The following ACTL8 variants were observed in gnomAD, a reference collection of about 807,000 sequenced individuals.
ACTL8 encodes actin-like protein 8.
In ACTL8, 3 loss-of-function variants were observed where a neutral mutation model predicts 9.3. The observed-to-expected ratio is 0.32, with a 90% CI of 0.15 to 0.83. The LOEUF is 0.83. ACTL8 is among the 40% of genes least tolerant of loss of function. The pLI is 0.57. For synonymous variants in ACTL8, 224 were observed against 205.9 expected (o/e 1.09, Z -0.75); for missense variants, 381 against 492.2 (o/e 0.77, Z 2.14).
At chr1:17,818,080 G>A (rs1472642365) in intron 1 of ACTL8, among the ~76,000 whole-genome samples, 1 of 152,038 alleles carries the variant, frequency 6.6e-6, no homozygotes, top group Non-Finnish European at 1.5e-5. Context: ...CACTTAATAG[G>A]CACCTCCAAC....
intron 1 of ACTL8, among the ~76,000 whole-genome samples, chr1:17,782,798 C>T (rs1327080291): frequency 2.0e-5 from 3 of 152,192 alleles, no homozygotes; most frequent in African/African-American, 7.2e-5. Context: ...AGACTCTAAA[C>T]CGTAAAGCAC....
intron 1 of ACTL8, among the ~76,000 whole-genome samples, chr1:17,810,831 A>G (rs2066389302): frequency 2.0e-5 from 3 of 152,236 alleles, no homozygotes; most frequent in Admixed American, 6.5e-5. Flanking sequence ...CATGTATATC[A>G]ATAGTTCCTT....
intron 1 of ACTL8, among the ~76,000 whole-genome samples, chr1:17,773,957 A>G (rs931381762): frequency 2.0e-5 from 3 of 152,186 alleles, no homozygotes; most frequent in Admixed American, 2.0e-4. Context: ...CTGGCACAAG[A>G]GGGTAGCCAG....
intron 1 of ACTL8, among the ~76,000 whole-genome samples, chr1:17,772,130 G>A (rs1033880087): frequency 6.6e-6 from 1 of 152,310 alleles, no homozygotes; most frequent in South Asian, 2.1e-4. Context: ...GTAGTCTTCC[G>A]TGTTCACCTA....
chr1:17,818,348 A>C (rs2066441465), intron 1 of ACTL8, among the ~76,000 whole-genome samples: 1 of 152,172 alleles, frequency 6.6e-6, no homozygotes, highest in East Asian at 1.9e-4. Flanking sequence ...CACCTCCTGT[A>C]ATCTTTCTTC....
intron 1 of ACTL8, among the ~76,000 whole-genome samples, chr1:17,792,870 C>G (rs890218228): frequency 3.9e-5 from 6 of 152,138 alleles, no homozygotes; most frequent in Non-Finnish European, 8.8e-5. Flanking sequence ...ACTGAAGATC[C>G]CAGAGAACTA....
At chr1:17,818,964 G>A (rs952793968) in intron 1 of ACTL8, among the ~76,000 whole-genome samples, 10 of 152,226 alleles carry the variant, frequency 6.6e-5, no homozygotes, top group African/African-American at 2.4e-4. Flanking sequence ...TGAATATACA[G>A]ATTTTATCTC....
At chr1:17,756,045 A>T (rs1190203281) in intron 1 of ACTL8, among the ~76,000 whole-genome samples, 3 of 149,608 alleles carry the variant, frequency 2.0e-5, no homozygotes, top group African/African-American at 7.4e-5. Context: ...TCTCTTCGGG[A>T]CTCTACCGCA....
At chr1:17,821,627 A>G (rs898140545) in intron 1 of ACTL8, among the ~76,000 whole-genome samples, 1 of 121,870 alleles carries the variant, frequency 8.2e-6, no homozygotes, top group Non-Finnish European at 1.8e-5. Flanking sequence ...GTTTGTGACT[A>G]TTCCCTTTTT....
At chr1:17,756,450 C>T (rs1054662002) in intron 1 of ACTL8, among the ~76,000 whole-genome samples, 6 of 152,204 alleles carry the variant, frequency 3.9e-5, no homozygotes, top group Non-Finnish European at 8.8e-5. Flanking sequence ...TCCATCTCAG[C>T]TCTGTGGGTT....
chr1:17,762,643 C>T (rs2066015318), intron 1 of ACTL8, among the ~76,000 whole-genome samples: 1 of 152,098 alleles, frequency 6.6e-6, no homozygotes, highest in Admixed American at 6.5e-5. Flanking sequence ...CGATATCGAA[C>T]CCCAGGGGGT....
chr1:17,780,501 T>G (rs2066146822), intron 1 of ACTL8, among the ~76,000 whole-genome samples: 1 of 152,150 alleles, frequency 6.6e-6, no homozygotes, highest in Non-Finnish European at 1.5e-5. Flanking sequence ...TCTCTGGGGC[T>G]CTTGTGAAAT....
intron 1 of ACTL8, among the ~76,000 whole-genome samples, chr1:17,807,873 TAGG>T (rs1360829550): frequency 6.6e-6 from 1 of 151,914 alleles, no homozygotes; most frequent in African/African-American, 2.4e-5. Flanking sequence ...GGGATAACAT[TAGG>T]AGAATTACCT....
chr1:17,815,107 C>A (rs762840725), intron 1 of ACTL8, among the ~76,000 whole-genome samples: 1 of 152,210 alleles, frequency 6.6e-6, no homozygotes, highest in Non-Finnish European at 1.5e-5. Flanking sequence ...CAATAACATG[C>A]AGTACCAGTT....
chr1:17,774,749 G>A (rs1570002333), intron 1 of ACTL8, among the ~76,000 whole-genome samples: 1 of 152,138 alleles, frequency 6.6e-6, no homozygotes, highest in East Asian at 1.9e-4. Context: ...CAGCTTGTCG[G>A]GCCAGGCTCT....
intron 1 of ACTL8, among the ~76,000 whole-genome samples, chr1:17,801,658 A>G (rs1023885107): frequency 2.0e-5 from 3 of 152,370 alleles, no homozygotes; most frequent in Admixed American, 6.5e-5. Flanking sequence ...TGCTCAAAGC[A>G]TACAAAATTA....
chr1:17,826,216 G>A lies in ACTL8; in HGVS notation c.798G>A (p.Glu266=). ...TGTTCTTTAGCCCGCAGGTGTTCGA[G>A]CAGCCGGGGCCCAGCATCCCACGGG... ...PEMFFSPQVF[E]QPGPSIPRAI... The change falls in exon 3 of 3, where the codon GAG becomes GAA. Residue 266 remains glutamate (E), a synonymous_variant. Transcript: ENST00000375406. This position sits in a 1 kb window ranked among gnomAD's most constrained non-coding sequence, Gnocchi z 4.5. 1 of 1,613,416 alleles carries A rather than the reference G, an allele frequency of 6.2e-7. No individual in the cohort carries two copies. Among genetic ancestry groups the A allele is most frequent in the Non-Finnish European group, 8.5e-7 (1 of 1,179,948 alleles).
intron 1 of ACTL8, among the ~76,000 whole-genome samples, chr1:17,799,970 T>C (rs6586583): frequency 0.16 from 24,919 of 152,108 alleles, 2,787 homozygotes; most frequent in African/African-American, 0.31. Context: ...TATACGAATG[T>C]CTTAGCCGTT....
At chr1:17,781,766 C>T (rs899685690) in intron 1 of ACTL8, among the ~76,000 whole-genome samples, 3 of 152,118 alleles carry the variant, frequency 2.0e-5, no homozygotes, top group African/African-American at 4.8e-5. Context: ...TAGATCCATA[C>T]GTAAAATCCC....
Sources: gnomAD v4.1 joint callset for allele counts (sites outside exome capture counted in the v4.1 genomes callset) on GRCh38, gnomAD v4.1.1 for gene constraint, Gnocchi (gnomAD v3.1) non-coding constraint, MANE v1.5 for transcripts, NCBI Gene and HGNC (gene_info 2026-07-23, HGNC 2026-07-21) for gene names.